ARMCX4: variants seen among roughly 807,000 people sequenced by gnomAD.
ARMCX4 encodes the protein armadillo repeat containing X-linked 4.
A neutral mutation model predicts 34.7 loss-of-function variants in ARMCX4; 3 were observed. The ratio of observed to expected loss-of-function variants is 0.09; its 90% confidence interval spans 0.04 to 0.22. The LOEUF (loss-of-function observed/expected upper bound fraction) is 0.22, where lower values mean the gene tolerates loss of function less well. Ranked by LOEUF, ARMCX4 falls within the 10% of genes least tolerant of loss-of-function variation. The probability of loss-of-function intolerance (pLI) is 1.00; values close to 1 mark genes in which losing one functional copy is unlikely to be tolerated. For synonymous variants in ARMCX4, 513 were observed against 632.8 expected (o/e 0.81, Z 2.84); for missense variants, 1,448 against 1,720.8 (o/e 0.84, Z 2.81).
Position 101,495,598 on chromosome X carries a change from A to G in ARMCX4, c.*136A>G. ...TCTATAGCTGGACCATTTTATGAAC[A>G]CCAAATGAATTCAAGCTTGTACTAA... On this transcript the variant is annotated 3_prime_UTR_variant, in exon 6 of 6. Transcript: ENST00000423738. The G allele has an allele frequency of 1.8e-6, 1 of 554,615 alleles. No homozygotes were observed. The highest frequency in any genetic ancestry group is 2.6e-6 in the Non-Finnish European group (1 of 383,273). The allele number at this position is 554,615 out of a possible 1,213,427, so 45.7% of individuals were successfully genotyped here.
At chrX:101,473,343 C>T (rs1368050432) in intron 4 of ARMCX4, among the ~76,000 whole-genome samples, 1 of 109,293 alleles carries the variant, frequency 9.1e-6, no homozygotes, top group African/African-American at 3.3e-5. Context: ...ACTTAGACTC[C>T]CACACATTAA....
chrX:101,527,646 G>T (rs1819599935), intron 11 of ARMCX4, among the ~76,000 whole-genome samples: 1 of 111,087 alleles, frequency 9.0e-6, no homozygotes, highest in African/African-American at 3.3e-5. Flanking sequence ...TGATAAAGGG[G>T]ATATCACCAC....
At chrX:101,515,394 C>CTTCTTTCTTTCTTTCTTTCTTTCTTTTT (rs1569346593) in intron 11 of ARMCX4, among the ~76,000 whole-genome samples, 14 of 852 alleles carry the variant, frequency 0.016, no homozygotes, top group East Asian at 0.067. Context: ...TCTTTCTTTC[C>CTTCTTTCTTTCTTTCTTTCTTTCTTTTT]CTCCCTCCCT....
rs1274151641 is a variant in ARMCX4 at position 101,490,148 on chromosome X, C to T, written c.1559C>T (p.Ala520Val). 1.7e-6 allele frequency: 2 copies of T among 1,154,066 alleles called. No homozygotes were observed. Among genetic ancestry groups the T allele is most frequent in the Admixed American group, 2.6e-5 (1 of 38,558 alleles). Residue 520 changes from alanine (A) to valine (V), a missense_variant, in exon 6 of 6, where the codon GCC becomes GTC. Physicochemically the swap from Ala to Val is moderately conservative, Grantham distance 64. Transcript: ENST00000423738. ...GGTATGGCCCAGAGCCAGGGTGAAGCCTTACCTAATACTAGAGGTAAGGCT... is the reference window on the plus strand; with the variant it reads ...GGTATGGCCCAGAGCCAGGGTGAAGTCTTACCTAATACTAGAGGTAAGGCT... ...AQGMAQSQGE[A>V]LPNTRGKARG...
intron 11 of ARMCX4, among the ~76,000 whole-genome samples, chrX:101,530,566 T>G (rs1274548504): frequency 8.9e-6 from 1 of 111,911 alleles, no homozygotes; most frequent in Non-Finnish European, 1.9e-5. Flanking sequence ...AATAACTCAT[T>G]TCTTCTAGGG....
chrX:101,471,299 A>G lies in ARMCX4; in HGVS notation c.-472-14724A>G, dbSNP rs956761517. ...GGATGAACAAAACATAAATTTTGAT[A>G]AAGCCCAACTTTCTCTTTTATTATT... On this transcript the variant is annotated intron_variant and NMD_transcript_variant, in intron 4 of 15. Coordinates refer to the ARMCX4 transcript ENST00000433011. 8.0e-5 allele frequency among the ~76,000 whole-genome samples: 9 copies of G among 112,289 alleles called. No homozygotes were observed. In the Admixed American group the frequency reaches 8.5e-4, roughly 11 times the overall value.
chrX:101,493,201 C>T lies in ARMCX4; in HGVS notation c.4612C>T (p.Pro1538Ser). Reference sequence around the variant, plus strand: ...GGATGTTGGAGGGTCTAGGCCAGGGCCCACGAACCAGTCCAGTGCTGGGTC... The same window carrying T: ...GGATGTTGGAGGGTCTAGGCCAGGGTCCACGAACCAGTCCAGTGCTGGGTC... ...GQDVGGSRPGPTNQSSAGSWD... is the reference protein window; with the variant it reads ...GQDVGGSRPGSTNQSSAGSWD... The change falls in exon 6 of 6, where the codon CCC becomes TCC. Residue 1538 changes from proline to serine, a missense_variant. By Grantham distance (74) the Pro-to-Ser change is moderately conservative (BLOSUM62 -1). Transcript: ENST00000423738. The T allele has an allele frequency of 1.7e-6, 2 of 1,153,828 alleles. No homozygotes were observed. Among genetic ancestry groups the T allele is most frequent in the South Asian group, 1.9e-5 (1 of 52,629 alleles).
At chrX:101,452,459 C>A (rs184829994), downstream of ARMCX4, among the ~76,000 whole-genome samples, 3,237 of 112,376 alleles carry the variant, frequency 0.029, 121 homozygotes, top group African/African-American at 0.098. Context: ...ACACAATGTA[C>A]AAAATATTAT....
At chrX:101,488,138 A>G in intron 5 of ARMCX4, 39 bp downstream of exon 5, 1 of 537,995 alleles carries the variant, frequency 1.9e-6, no homozygotes, top group Non-Finnish European at 2.7e-6. Flanking sequence ...AGGTGACCAG[A>G]GTAGGTCCAG....
At chrX:101,503,575 A>T (rs1934362134) in intron 7 of ARMCX4, among the ~76,000 whole-genome samples, 1 of 112,163 alleles carries the variant, frequency 8.9e-6, no homozygotes, top group Admixed American at 9.4e-5. Flanking sequence ...TTGCCTGCAT[A>T]AATGTCTTCT....
In ARMCX4 at chrX:101,422,000, A is replaced by G. The variant is rs1210279738; in HGVS notation, n.164+3000A>G. Among the ~76,000 whole-genome samples, 6 of 101,378 alleles carry G rather than the reference A, an allele frequency of 5.9e-5. No individual in the cohort carries two copies. In the East Asian group the frequency reaches 1.2e-3, roughly 21 times the overall value. 88.0% of individuals were successfully genotyped at this position (101,378 alleles called of 115,157 possible). A position where few individuals can be genotyped will look rare whatever the true frequency, so the allele number is the denominator to read the frequency against. ...AGCATTTGGGGGATCAGTTATTATT[A>G]TTATTATTATTATTATTATTATTAT... On this transcript the variant is annotated intron_variant and non_coding_transcript_variant, in intron 2 of 3. Transcript: ENST00000430461.
chrX:101,510,873 C>T (rs372710226), intron 10 of ARMCX4, among the ~76,000 whole-genome samples: 1 of 111,421 alleles, frequency 9.0e-6, no homozygotes, highest in East Asian at 2.8e-4. Context: ...CTTCTGAAAT[C>T]GTTTAGTTGT....
intron 2 of ARMCX4, among the ~76,000 whole-genome samples, chrX:101,428,728 A>G (rs1422382332): frequency 9.0e-6 from 1 of 111,657 alleles, no homozygotes; most frequent in Non-Finnish European, 1.9e-5. Flanking sequence ...ATCCCTTCAA[A>G]TGTACAGTTT....
chrX:101,431,535 T>A (rs1323538137), intron 2 of ARMCX4, among the ~76,000 whole-genome samples: 1 of 109,835 alleles, frequency 9.1e-6, no homozygotes, highest in Non-Finnish European at 1.9e-5. Flanking sequence ...ATTACAAAAG[T>A]TTATGCACCA....
At chrX:101,444,262 A>G (rs1931490640) in intron 3 of ARMCX4, 1 of 158,665 alleles carries the variant, frequency 6.3e-6, no homozygotes, top group African/African-American at 3.1e-5. Context: ...GACTAAGACA[A>G]CTTCCTTGAC....
intron 11 of ARMCX4, among the ~76,000 whole-genome samples, chrX:101,523,453 G>A (rs781958719): frequency 1.8e-5 from 2 of 112,289 alleles, no homozygotes; most frequent in South Asian, 7.4e-4. Context: ...AATCTAATTG[G>A]CTAAAGGATG....
In ARMCX4 at chrX:101,490,136, G is replaced by A; in HGVS notation, c.1547G>A (p.Ser516Asn). Reference sequence around the variant, plus strand: ...ATGAAGGCTCAAGGTATGGCCCAGAGCCAGGGTGAAGCCTTACCTAATACT... The same window carrying A: ...ATGAAGGCTCAAGGTATGGCCCAGAACCAGGGTGAAGCCTTACCTAATACT... ...VDMKAQGMAQ[S>N]QGEALPNTRG... is the part of the protein sequence containing the mutation. Residue 516 changes from serine to asparagine, a missense_variant, in exon 6 of 6, where the codon AGC (serine) becomes AAC (asparagine). Ser to Asn is a conservative substitution (Grantham distance 46). Around this residue, in one of 2 missense-constraint regions of ARMCX4, gnomAD observed 1,343 missense variants for 1,540.7 expected, o/e 0.87. Transcript: ENST00000423738. 8.6e-7 allele frequency: 1 copy of A among 1,156,088 alleles called. No individual in the cohort carries two copies. Among genetic ancestry groups the A allele is most frequent in the Non-Finnish European group, 1.1e-6 (1 of 873,002 alleles).
chrX:101,487,656 A>G lies in ARMCX4; in HGVS notation c.-238A>G, dbSNP rs1556007203. 1 of 967,813 alleles carries G rather than the reference A, an allele frequency of 1.0e-6. No individual in the cohort carries two copies. The highest frequency in any genetic ancestry group is 1.3e-6 in the Non-Finnish European group (1 of 752,419). The allele number at this position is 967,813 out of a possible 1,213,427, so 79.8% of individuals were successfully genotyped here. The stretch of plus-strand genomic sequence containing the variant: ...GGCTTAAGATCACTGGAAGCAAAGA[A>G]ACAAAGAGGAGATTGCTCCTGATCA... On this transcript the variant is annotated 5_prime_UTR_variant, in exon 4 of 6. Transcript: ENST00000423738.
At chrX:101,432,883 CGT>C (rs1343928279) in intron 2 of ARMCX4, among the ~76,000 whole-genome samples, 5 of 63,965 alleles carry the variant, frequency 7.8e-5, no homozygotes, top group East Asian at 4.8e-4. Context: ...CATATGTATA[CGT>C]GTGTATATAT....
Sources: allele counts gnomAD v4.1 joint callset (sites outside exome capture counted in the v4.1 genomes callset), GRCh38; gene constraint gnomAD v4.1.1; regional missense constraint gnomAD v4.1.1; transcripts MANE v1.5; gene names NCBI Gene and HGNC (gene_info 2026-07-23, HGNC 2026-07-21).